Variants in GNAO1 observed in about 807,000 individuals in gnomAD.
The protein encoded by GNAO1 is guanine nucleotide-binding protein G(o) subunit alpha.
For synonymous variants in GNAO1, 164 were observed against 180.7 expected, an observed-to-expected ratio of 0.91 and a Z score of 0.74; for missense variants, 166 against 478.7, an observed-to-expected ratio of 0.35 and a Z score of 6.10.
At chr16:56,259,978 G>T (rs1473592959) in intron 2 of GNAO1, among the ~76,000 whole-genome samples, 1 of 152,168 alleles carries the variant, frequency 6.6e-6, no homozygotes, top group Non-Finnish European at 1.5e-5. Context: ...GAGCTCTTGA[G>T]AACACCCATG....
intron 2 of GNAO1, among the ~76,000 whole-genome samples, chr16:56,239,422 C>T (rs2036672851): frequency 2.0e-5 from 3 of 152,170 alleles, no homozygotes; most frequent in African/African-American, 4.8e-5. Context: ...CACTGTCTGC[C>T]TCCTCAGCCT....
chr16:56,259,005 C>T (rs530094702), intron 2 of GNAO1, among the ~76,000 whole-genome samples: 12 of 152,218 alleles, frequency 7.9e-5, no homozygotes, highest in South Asian at 2.1e-4. Flanking sequence ...GGCACACATA[C>T]GCGTGGCTTT....
intron 6 of GNAO1, chr16:56,340,944 G>A (rs758105660): frequency 1.2e-6 from 2 of 1,613,744 alleles, no homozygotes; most frequent in Non-Finnish European, 1.7e-6. Context: ...TTGAAGAGAA[G>A]ATCAAGAAGT....
In GNAO1 at chr16:56,351,781, G is replaced by C; in HGVS notation, c.877+244G>C. On this transcript the variant is annotated intron_variant, in intron 7 of 8. Transcript: ENST00000262493. This position sits in a 1 kb window ranked among gnomAD's most constrained non-coding sequence, Gnocchi z 6.1. ...ATATGTGTTAGGACCAAGTGACTCAGGAGTGGTGGGGAGCAGGGGGCAGGA... is the reference window on the plus strand; with the variant it reads ...ATATGTGTTAGGACCAAGTGACTCACGAGTGGTGGGGAGCAGGGGGCAGGA... 2.1e-6 allele frequency: 1 copy of C among 471,074 alleles called. No homozygotes were observed. Among genetic ancestry groups the C allele is most frequent in the Non-Finnish European group, 3.8e-6 (1 of 260,278 alleles). 29.2% of individuals were successfully genotyped at this position (471,074 alleles called of 1,614,324 possible). A position where few individuals can be genotyped will look rare whatever the true frequency, so the allele number is the denominator to read the frequency against.
intron 2 of GNAO1, among the ~76,000 whole-genome samples, chr16:56,257,182 G>C (rs2045921): frequency 4.9e-4 from 75 of 152,134 alleles, no homozygotes; most frequent in Admixed American, 2.4e-3. Context: ...GTTTGGGGGG[G>C]GGAAATTAGA....
chr16:56,330,077 G>T (rs1202603084), intron 4 of GNAO1, among the ~76,000 whole-genome samples: 1 of 152,238 alleles, frequency 6.6e-6, no homozygotes, highest in African/African-American at 2.4e-5. Context: ...CTTGAGCAAG[G>T]CCGGGAGCGG....
intron 3 of GNAO1, among the ~76,000 whole-genome samples, chr16:56,327,622 G>A (rs2037648739): frequency 6.6e-6 from 1 of 152,198 alleles, no homozygotes; most frequent in Non-Finnish European, 1.5e-5. Context: ...CACACTCCTG[G>A]TTGTGATGTT....
At chr16:56,196,747 G>A (rs543117415) in intron 2 of GNAO1, among the ~76,000 whole-genome samples, 1 of 152,332 alleles carries the variant, frequency 6.6e-6, no homozygotes, top group East Asian at 1.9e-4. Context: ...AGTCTTTACC[G>A]AAATGGGCAC....
intron 2 of GNAO1, among the ~76,000 whole-genome samples, chr16:56,228,997 G>A (rs1167628085): frequency 6.6e-6 from 1 of 152,128 alleles, no homozygotes; most frequent in African/African-American, 2.4e-5. Context: ...CTGTGTGTGT[G>A]GTACATAGTA....
intron 2 of GNAO1, among the ~76,000 whole-genome samples, chr16:56,257,689 GA>G (rs1318156682): frequency 1.6e-4 from 24 of 151,534 alleles, no homozygotes; most frequent in Admixed American, 5.9e-4. Flanking sequence ...TTATTAGGAT[GA>G]AAAAAAAATC....
At chr16:56,335,634 G>A (rs1232564275) in intron 5 of GNAO1, among the ~76,000 whole-genome samples, 1 of 152,140 alleles carries the variant, frequency 6.6e-6, no homozygotes, top group African/African-American at 2.4e-5. Context: ...GGAACCCCTA[G>A]GCCTCCGCAG....
At chr16:56,332,618 G>T (rs2143655752) in intron 4 of GNAO1, among the ~76,000 whole-genome samples, 1 of 152,302 alleles carries the variant, frequency 6.6e-6, no homozygotes, top group South Asian at 2.1e-4. Context: ...CCAGCTCCTG[G>T]AACAGTGGCT....
chr16:56,235,059 A>G (rs1159533426), intron 2 of GNAO1: 1 of 321,668 alleles, frequency 3.1e-6, no homozygotes, highest in Admixed American at 4.2e-5. Flanking sequence ...GAGTTCTGCA[A>G]AAGACACCTA....
At chr16:56,346,117 T>C (rs2037865640) in intron 6 of GNAO1, 1 of 985,560 alleles carries the variant, frequency 1.0e-6, no homozygotes, top group Non-Finnish European at 1.2e-6. Context: ...CCTTGGTTTC[T>C]TGCACTGCTC....
At chr16:56,328,429 T>C (rs1297370736) in intron 3 of GNAO1, among the ~76,000 whole-genome samples, 1 of 152,142 alleles carries the variant, frequency 6.6e-6, no homozygotes, top group African/African-American at 2.4e-5. Context: ...ATCCATGTGG[T>C]AGAAGGCCCC....
At chr16:56,203,528 A>T (rs2036299112) in intron 2 of GNAO1, among the ~76,000 whole-genome samples, 1 of 152,036 alleles carries the variant, frequency 6.6e-6, no homozygotes, top group Admixed American at 6.5e-5. Context: ...TTATCATGGG[A>T]GAGACTGAGG....
Position 56,356,901 on chromosome 16 carries a change from TGTTGGATTTCCG to T in GNAO1, c.*830_*841del, listed in dbSNP as rs1330880395. 2 of 151,522 alleles carry T rather than the reference TGTTGGATTTCCG, an allele frequency of 1.3e-5. No individual in the cohort carries two copies. Among genetic ancestry groups the T allele is most frequent in the African/African-American group, 4.9e-5 (2 of 41,166 alleles). The allele number at this position is 151,522 out of a possible 1,614,324, so 9.4% of individuals were successfully genotyped here. ...GGGTTGTGTTTTTTTTCCTTTGCCG[TGTTGGATTTCCG>T]GTCCCGGCTGACACCTCCCTTCGTG... On this transcript the variant is annotated 3_prime_UTR_variant, in exon 9 of 9. Coordinates refer to ENST00000262493, the MANE Select transcript of GNAO1 (RefSeq NM_020988.3).
rs746763746 is a variant in GNAO1 at position 56,355,100 on chromosome 16, A to G, written c.*28+19A>G. ...CTATTTGGTAATGATTCCAGCACCC[A>G]CAGAACAGCTTGCGTGCGCGCGCAT... On this transcript the variant is annotated intron_variant, in intron 8 of 8. Coordinates refer to ENST00000262493, the MANE Select transcript of GNAO1 (RefSeq NM_020988.3). The G allele has an allele frequency of 1.6e-6, 2 of 1,253,960 alleles. No individual in the cohort carries two copies. Among genetic ancestry groups the G allele is most frequent in the Admixed American group, 1.8e-5 (1 of 55,324 alleles). 77.7% of individuals were successfully genotyped at this position (1,253,960 alleles called of 1,614,324 possible). A position where few individuals can be genotyped will look rare whatever the true frequency, so the allele number is the denominator to read the frequency against.
In GNAO1 at chr16:56,192,581, A is replaced by T; in HGVS notation, c.126A>T (p.Gly42=). ...CTGTCTGTGTCCCAACAGGGGCTGG[A>T]GAATCAGGAAAAAGCACCATTGTGA... ...KDVKLLLLGA[G]ESGKSTIVKQ... Residue 42 remains glycine (G), a synonymous_variant, in exon 2 of 9, where the codon GGA becomes GGT. Coordinates refer to ENST00000262493, the MANE Select transcript of GNAO1 (RefSeq NM_020988.3). 1 of 1,598,136 alleles carries T rather than the reference A, an allele frequency of 6.3e-7. No individual in the cohort carries two copies. Among genetic ancestry groups the T allele is most frequent in the Non-Finnish European group, 8.6e-7 (1 of 1,168,812 alleles).
Sources: gnomAD v4.1 joint callset for allele counts (sites outside exome capture counted in the v4.1 genomes callset) on GRCh38, gnomAD v4.1.1 for gene constraint, Gnocchi (gnomAD v3.1) non-coding constraint, MANE v1.5 for transcripts, NCBI Gene and HGNC (gene_info 2026-07-23, HGNC 2026-07-21) for gene names.